Variants in RPS6KA6 observed in about 807,000 individuals in gnomAD.
RPS6KA6 encodes ribosomal protein S6 kinase alpha-6.
RPS6KA6 carries 27 observed loss-of-function variants against 65.4 expected under a neutral mutation model. That is an observed-to-expected ratio of 0.41 (90% CI 0.30 to 0.57). RPS6KA6 has a LOEUF of 0.57. Ranked by LOEUF, RPS6KA6 falls within the 20% of genes least tolerant of loss-of-function variation. The pLI is 0.24. For missense variants in RPS6KA6, 486 were observed against 555.6 expected (o/e 0.87, Z 1.26); for synonymous variants, 190 against 184.2 (o/e 1.03, Z -0.26).
At chrX:84,154,560 A>C (rs185681210) in intron 3 of RPS6KA6, among the ~76,000 whole-genome samples, 143 of 111,614 alleles carry the variant, frequency 1.3e-3, no homozygotes, top group African/African-American at 4.4e-3. Flanking sequence ...AAAATAGCTA[A>C]AAGAATATTA....
At chrX:84,171,039 T>A (rs1842361262) in intron 1 of RPS6KA6, among the ~76,000 whole-genome samples, 1 of 111,299 alleles carries the variant, frequency 9.0e-6, no homozygotes, top group African/African-American at 3.3e-5. Context: ...CCACTCAACA[T>A]CCAGCAAGAA....
chrX:84,119,236 C>T (rs2034623814), intron 9 of RPS6KA6, among the ~76,000 whole-genome samples: 1 of 111,843 alleles, frequency 8.9e-6, no homozygotes, highest in African/African-American at 3.2e-5. Flanking sequence ...TTATAAGAGA[C>T]ACTTAACATG....
intron 8 of RPS6KA6, among the ~76,000 whole-genome samples, chrX:84,133,491 TCAGA>T (rs1451151064): frequency 9.0e-6 from 1 of 111,242 alleles, no homozygotes; most frequent in African/African-American, 3.3e-5. Context: ...TCTTCCCTCC[TCAGA>T]CAGTTTAAGT....
intron 20 of RPS6KA6, among the ~76,000 whole-genome samples, chrX:84,091,304 A>C (rs2034040009): frequency 8.9e-6 from 1 of 112,870 alleles, no homozygotes; most frequent in Admixed American, 9.4e-5. Context: ...TGTGTAAATT[A>C]ACAATGCAAG....
chrX:84,090,577 C>T (rs5922910), intron 20 of RPS6KA6, among the ~76,000 whole-genome samples: 14,150 of 111,394 alleles, frequency 0.13, 657 homozygotes, highest in Middle Eastern at 0.27. Flanking sequence ...AACTTACAAT[C>T]ACGGTAGAAG....
At position 84,122,717 on chromosome X, in the gene RPS6KA6, C is replaced by T. The variant is rs749976200; in HGVS notation, c.647-2690G>A. On this transcript the variant is annotated intron_variant, in intron 8 of 21. Coordinates refer to ENST00000262752, the MANE Select transcript of RPS6KA6 (RefSeq NM_014496.5). Reference sequence around the variant, plus strand: ...ATTTGAACTCCTCAGCAAGCCTCGCCATCTTGGGCCAAAGTGCTCTGGGGT... The same window carrying T: ...ATTTGAACTCCTCAGCAAGCCTCGCTATCTTGGGCCAAAGTGCTCTGGGGT... Among the ~76,000 whole-genome samples, 5 of 111,560 alleles carry T rather than the reference C, an allele frequency of 4.5e-5. No individual in the cohort carries two copies. The South Asian group carries it at 1.9e-3, about 42-fold the overall frequency.
At chrX:84,184,034 T>C (rs1276002987) in intron 1 of RPS6KA6, among the ~76,000 whole-genome samples, 2 of 112,245 alleles carry the variant, frequency 1.8e-5, no homozygotes, top group East Asian at 5.6e-4. Flanking sequence ...TGACAAGAGT[T>C]CAGAATTTTT....
rs2033891490 is a variant in RPS6KA6, at chrX:84,085,178, A to G, written c.1971+11016T>C. 2.7e-5 allele frequency among the ~76,000 whole-genome samples: 3 copies of G among 110,972 alleles called. No individual in the cohort carries two copies. In the Admixed American group the frequency reaches 2.9e-4, roughly 11 times the overall value. On this transcript the variant is annotated intron_variant, in intron 20 of 21. Coordinates refer to ENST00000262752, the MANE Select transcript of RPS6KA6 (RefSeq NM_014496.5). ...GAAAATTTGACTTCTCTATTTGAAT[A>G]CCCTTTATTTTGTTCTCTTGCCTGA...
chrX:84,064,367 G>T lies in RPS6KA6; in HGVS notation c.2148C>A (p.His716Gln), dbSNP rs774755557. Residue 716 changes from histidine to glutamine, a missense_variant, in exon 22 of 22, where the codon CAC (histidine) becomes CAA (glutamine). His to Gln is a conservative substitution (Grantham distance 24). Around this residue, in one of 3 missense-constraint regions of RPS6KA6, gnomAD observed 345 missense variants for 375.0 expected, o/e 0.92. Transcript: ENST00000262752. ...GCTCTAGGACTGGTTGAAAGGTCTT[G>T]TGAGTCAGGGCAGAGTATGTTGCAA... ...AMVATYSALT[H>Q]KTFQPVLEPV... The T allele has an allele frequency of 2.5e-6, 3 of 1,204,411 alleles. No individual in the cohort carries two copies.
In RPS6KA6 at chrX:84,117,132, G is replaced by T; in HGVS notation, c.877C>A (p.Pro293Thr). The T allele has an allele frequency of 8.4e-7, 1 of 1,187,420 alleles. No homozygotes were observed. Among genetic ancestry groups the T allele is most frequent in the African/African-American group, 1.8e-5 (1 of 57,090 alleles). Residue 293 changes from proline to threonine, a missense_variant, in exon 11 of 22, where the codon CCT becomes ACT. Coordinates refer to ENST00000262752, the MANE Select transcript of RPS6KA6 (RefSeq NM_014496.5). ...TGTGCTTCAGCACTAAGAAATTGAG[G>T]CATTCCAAGTTTTGCTCTGAAACAG... The part of the protein sequence containing the change: ...NMILKAKLGM[P>T]QFLSAEAQSL...
At chrX:84,096,159 A>G in intron 20 of RPS6KA6, 35 bp downstream of exon 20, 1 of 908,916 alleles carries the variant, frequency 1.1e-6, no homozygotes, top group South Asian at 2.0e-5. Context: ...GCAATTTAAC[A>G]TGAATGCAAC....
At chrX:84,140,656 C>T (rs1459282416) in intron 6 of RPS6KA6, among the ~76,000 whole-genome samples, 4 of 103,974 alleles carry the variant, frequency 3.8e-5, no homozygotes, top group African/African-American at 1.4e-4. Flanking sequence ...ATCACTTGAA[C>T]CCGGGAGGCA....
chrX:84,097,732 C>G, intron 19 of RPS6KA6, 40 bp downstream of exon 19: 1 of 882,549 alleles, frequency 1.1e-6, no homozygotes, highest in Non-Finnish European at 1.6e-6. Context: ...AGATGAAATT[C>G]AAATAACAAT....
intron 20 of RPS6KA6, among the ~76,000 whole-genome samples, chrX:84,089,085 A>C (rs1361622746): frequency 1.8e-5 from 2 of 111,453 alleles, no homozygotes; most frequent in African/African-American, 6.5e-5. Flanking sequence ...CCCTGGCTGA[A>C]GTGCTGAAGT....
At chrX:84,091,294 T>C (rs1053776232) in intron 20 of RPS6KA6, among the ~76,000 whole-genome samples, 2 of 112,725 alleles carry the variant, frequency 1.8e-5, no homozygotes, top group African/African-American at 6.4e-5. Flanking sequence ...AAACACTTGC[T>C]GTGTAAATTA....
intron 20 of RPS6KA6, among the ~76,000 whole-genome samples, chrX:84,078,247 T>C (rs1272871580): frequency 8.9e-6 from 1 of 112,027 alleles, no homozygotes; most frequent in Non-Finnish European, 1.9e-5. Flanking sequence ...TAAAACTACT[T>C]TCAAATAGTA....
chrX:84,094,312 A>G (rs1400592866), intron 20 of RPS6KA6, among the ~76,000 whole-genome samples: 3 of 68,833 alleles, frequency 4.4e-5, no homozygotes, highest in East Asian at 5.1e-4. Flanking sequence ...TAAAGGGAAA[A>G]AAAAAAAAAA....
intron 1 of RPS6KA6, chrX:84,185,983 G>C: frequency 2.0e-6 from 1 of 491,765 alleles, no homozygotes; most frequent in East Asian, 3.8e-5. Flanking sequence ...TTTTTATTAA[G>C]TAACTTGCAG....
Position 84,154,661 on chromosome X carries a change from C to T in RPS6KA6, c.258+1414G>A, listed in dbSNP as rs995198229. 5.3e-4 allele frequency among the ~76,000 whole-genome samples: 58 copies of T among 109,253 alleles called. 1 individual carries two copies. Among genetic ancestry groups the T allele is most frequent in the East Asian group, 2.6e-3 (9 of 3,457 alleles). The allele number at this position is 109,253 out of a possible 115,157, so 94.9% of individuals were successfully genotyped here. A position where few individuals can be genotyped will look rare whatever the true frequency, so the allele number is the denominator to read the frequency against. On this transcript the variant is annotated intron_variant, in intron 3 of 21. Transcript: ENST00000262752. ...TAAACATTCCCCACCAACTTCATCACCACCACCACCACCACCACCACCAAT... is the reference window on the plus strand; with the variant it reads ...TAAACATTCCCCACCAACTTCATCATCACCACCACCACCACCACCACCAAT...
Sources: gnomAD v4.1 joint callset for allele counts (sites outside exome capture counted in the v4.1 genomes callset) on GRCh38, gnomAD v4.1.1 for gene constraint, gnomAD v4.1.1 regional missense constraint, MANE v1.5 for transcripts, NCBI Gene and HGNC (gene_info 2026-07-23, HGNC 2026-07-21) for gene names.